The following PACS2 variants were observed in gnomAD, a reference collection of about 807,000 sequenced individuals.
The protein encoded by PACS2 is PACS1-like protein.
Under a neutral mutation model 113.0 loss-of-function variants are expected in PACS2, and 36 were observed. That is an observed-to-expected ratio of 0.32 (90% CI 0.24 to 0.42). The LOEUF is 0.42. PACS2 is among the 10% of genes least tolerant of loss of function. PACS2 has a pLI of 1.00. For synonymous variants in PACS2, 589 were observed against 536.1 expected, an observed-to-expected ratio of 1.10 and a Z score of -1.36; for missense variants, 1,015 against 1,239.5, an observed-to-expected ratio of 0.82 and a Z score of 2.72.
intron 7 of PACS2, among the ~76,000 whole-genome samples, chr14:105,369,563 G>A (rs1177850325): frequency 6.6e-6 from 1 of 152,176 alleles, no homozygotes; most frequent in African/African-American, 2.4e-5. Flanking sequence ...TGAGGGAAGG[G>A]CCCCGTGAGC....
chr14:105,318,895 C>G (rs746204014), intron 1 of PACS2, among the ~76,000 whole-genome samples: 46 of 151,756 alleles, frequency 3.0e-4, no homozygotes, highest in Middle Eastern at 3.5e-3. Context: ...TTTCTGACCT[C>G]GTGATCCGCC....
At chr14:105,320,830 C>T (rs1291081309) in intron 1 of PACS2, among the ~76,000 whole-genome samples, 1 of 152,174 alleles carries the variant, frequency 6.6e-6, no homozygotes, top group Non-Finnish European at 1.5e-5. Context: ...TCATTTCTTC[C>T]TTGAATGTTT....
At chr14:105,387,696 T>C (rs587719120) in intron 19 of PACS2, among the ~76,000 whole-genome samples, 2 of 152,340 alleles carry the variant, frequency 1.3e-5, no homozygotes, top group Admixed American at 1.3e-4. Flanking sequence ...TTGTGACGTC[T>C]CCTGCATTCG....
At chr14:105,310,183 G>A (rs183922377), upstream of PACS2, among the ~76,000 whole-genome samples, 44 of 152,074 alleles carry the variant, frequency 2.9e-4, no homozygotes, top group African/African-American at 1.0e-3. Flanking sequence ...ATTTTCCACT[G>A]GGAATTTTTT....
intron 19 of PACS2, among the ~76,000 whole-genome samples, chr14:105,387,260 G>C (rs1258314824): frequency 6.6e-6 from 1 of 152,188 alleles, no homozygotes; most frequent in Non-Finnish European, 1.5e-5. Flanking sequence ...CTCCAGCCAG[G>C]CTCCCCTGCG....
rs1555403065 is a variant in PACS2 at position 105,348,095 on chromosome 14, G to A, written c.120-398G>A. ...ATTTGGGGCGGCTGGGCCTGGGGCT[G>A]GATAGGGCCGCGGGAGAGGGGAGGC... On this transcript the variant is annotated intron_variant, in intron 1 of 24. Coordinates refer to ENST00000447393, the MANE Select transcript of PACS2 (RefSeq NM_001100913.3). This position sits in a 1 kb window ranked among gnomAD's most constrained non-coding sequence, Gnocchi z 6.4. Among the ~76,000 whole-genome samples the A allele has an allele frequency of 1.3e-5, 2 of 152,184 alleles. No homozygotes were observed.
rs587611705 is a variant in PACS2, at chr14:105,357,894, G to T, written c.423+2717G>T. ...TGCTCGGCGGTGGGGAAGGGTCCTTGAGGGCACAGGGTGGGGTGAGGCGGG... is the reference window on the plus strand; with the variant it reads ...TGCTCGGCGGTGGGGAAGGGTCCTTTAGGGCACAGGGTGGGGTGAGGCGGG... On this transcript the variant is annotated intron_variant, in intron 4 of 24. Transcript: ENST00000447393. This position sits in a 1 kb window ranked among gnomAD's most constrained non-coding sequence, Gnocchi z 5.1. Among the ~76,000 whole-genome samples the T allele has an allele frequency of 6.6e-6, 1 of 152,288 alleles. No homozygotes were observed. The highest frequency in any genetic ancestry group is 2.1e-4 in the South Asian group (1 of 4,824).
intron 4 of PACS2, among the ~76,000 whole-genome samples, chr14:105,360,052 C>G (rs2060619224): frequency 6.6e-6 from 1 of 152,188 alleles, no homozygotes; most frequent in African/African-American, 2.4e-5. Flanking sequence ...GAGGCTGTCT[C>G]TCATATAGGC....
chr14:105,352,192 A>G (rs2060205212), intron 2 of PACS2, among the ~76,000 whole-genome samples, 186 bp from the exon 3 acceptor site: 1 of 152,090 alleles, frequency 6.6e-6, no homozygotes, highest in Non-Finnish European at 1.5e-5. Context: ...AAGGGTCTCC[A>G]TGTTTTTAAG....
chr14:105,305,849 G>A (rs2058171757), intron 1 of PACS2, among the ~76,000 whole-genome samples: 1 of 152,258 alleles, frequency 6.6e-6, no homozygotes, highest in Non-Finnish European at 1.5e-5. Context: ...CCAGCTTCCT[G>A]TGCCCAGGGT....
upstream of PACS2, among the ~76,000 whole-genome samples, chr14:105,311,532 GGT>G (rs1372498424): frequency 6.6e-6 from 1 of 152,214 alleles, no homozygotes; most frequent in Non-Finnish European, 1.5e-5. Flanking sequence ...TGGGATTACA[GGT>G]GTGAGCCCCT....
At chr14:105,347,271 G>A (rs1289776616) in intron 1 of PACS2, among the ~76,000 whole-genome samples, 3 of 151,800 alleles carry the variant, frequency 2.0e-5, no homozygotes, top group African/African-American at 7.3e-5. Flanking sequence ...TCCTGAGGCC[G>A]CCCAGGCAGT....
intron 1 of PACS2, among the ~76,000 whole-genome samples, chr14:105,308,781 A>G (rs1242347110): frequency 6.6e-6 from 1 of 151,870 alleles, no homozygotes; most frequent in African/African-American, 2.4e-5. Context: ...GTGCCCAGCC[A>G]TGACTTTGTC....
intron 1 of PACS2, among the ~76,000 whole-genome samples, chr14:105,335,086 C>T (rs2059460941): frequency 6.6e-6 from 1 of 152,260 alleles, no homozygotes. Flanking sequence ...GACAGGGCCT[C>T]CTGATGACTG....
chr14:105,344,836 G>T (rs2059859457), intron 1 of PACS2, among the ~76,000 whole-genome samples: 1 of 152,162 alleles, frequency 6.6e-6, no homozygotes, highest in Non-Finnish European at 1.5e-5. Flanking sequence ...CTTAGGGCTG[G>T]GCGCAGTGGC....
In PACS2 at chr14:105,379,865, G is replaced by A. The variant is rs376374444; in HGVS notation, c.1050+36G>A. 16 of 1,573,036 alleles carry A rather than the reference G, an allele frequency of 1.0e-5. No individual in the cohort carries two copies. In the East Asian group the frequency reaches 1.3e-4, roughly 13 times the overall value. On this transcript the variant is annotated intron_variant, in intron 10 of 24. Transcript: ENST00000447393. The stretch of plus-strand genomic sequence containing the variant: ...CCACACTGATCTCCCAGAGCAGACC[G>A]TGGTCTGACTGGGCTGTGGTGTGGC...
chr14:105,355,305 A>G lies in PACS2; in HGVS notation c.423+128A>G. 1 of 1,175,634 alleles carries G rather than the reference A, an allele frequency of 8.5e-7. No homozygotes were observed. The highest frequency in any genetic ancestry group is 2.8e-5 in the Admixed American group (1 of 35,258). 72.8% of individuals were successfully genotyped at this position (1,175,634 alleles called of 1,614,324 possible). The stretch of plus-strand genomic sequence containing the variant: ...GGGATCAGGTGAAAATGATGAGAGG[A>G]GCCTGGGCGGCCGGGCTCCGCCATA... On this transcript the variant is annotated intron_variant, in intron 4 of 24. Coordinates refer to ENST00000447393, the MANE Select transcript of PACS2 (RefSeq NM_001100913.3). This position sits in a 1 kb window ranked among gnomAD's most constrained non-coding sequence, Gnocchi z 4.1.
chr14:105,344,641 G>A (rs148079112), intron 1 of PACS2, among the ~76,000 whole-genome samples: 2,301 of 152,178 alleles, frequency 0.015, 58 homozygotes, highest in African/African-American at 0.05. Context: ...GGCAACTTTT[G>A]TCTACTTTCT....
Position 105,354,277 on chromosome 14 carries a change from A to G in PACS2, c.298-775A>G, listed in dbSNP as rs782771146. On this transcript the variant is annotated intron_variant, in intron 3 of 24. Transcript: ENST00000447393. The surrounding 1 kb of genome is among the most constrained non-coding windows in gnomAD (Gnocchi z 4.2). ...GACAGTGAGCCCGGCTAATTTTTGT[A>G]TTTTTGTAGAGATGGGGTTTTGCCA... 2.0e-5 allele frequency among the ~76,000 whole-genome samples: 3 copies of G among 152,062 alleles called. No homozygotes were observed. Among genetic ancestry groups the G allele is most frequent in the South Asian group, 2.1e-4 (1 of 4,812 alleles).
Sources: gnomAD v4.1 joint callset for allele counts (sites outside exome capture counted in the v4.1 genomes callset) on GRCh38, gnomAD v4.1.1 for gene constraint, Gnocchi (gnomAD v3.1) non-coding constraint, MANE v1.5 for transcripts, NCBI Gene and HGNC (gene_info 2026-07-23, HGNC 2026-07-21) for gene names.